PANK4: variants seen among roughly 807,000 people sequenced by gnomAD.
The protein encoded by PANK4 is 4'-phosphopantetheine phosphatase.
PANK4 carries 40 observed loss-of-function variants against 87.9 expected under a neutral mutation model. The observed-to-expected ratio is 0.46, with a 90% CI of 0.35 to 0.59. The LOEUF is 0.59. Ranked by LOEUF, PANK4 falls within the 20% of genes least tolerant of loss-of-function variation. PANK4 has a pLI of 0.00. For missense variants in PANK4, 926 were observed against 1,072.3 expected (o/e 0.86, Z 1.90); for synonymous variants, 524 against 467.4 (o/e 1.12, Z -1.56).
intron 8 of PANK4, 51 bp downstream of exon 8, chr1:2,518,465 G>T: frequency 6.8e-7 from 1 of 1,478,748 alleles, no homozygotes; most frequent in Non-Finnish European, 9.2e-7. Flanking sequence ...CACAGGCCCA[G>T]GCCACAGCTG....
At position 2,508,787 on chromosome 1, in the gene PANK4, T is replaced by C. The variant is rs1643610662; in HGVS notation, c.*60A>G. The C allele has an allele frequency of 9.9e-7, 1 of 1,011,896 alleles. No homozygotes were observed. Among genetic ancestry groups the C allele is most frequent in the Non-Finnish European group, 1.5e-6 (1 of 656,974 alleles). 62.7% of individuals were successfully genotyped at this position (1,011,896 alleles called of 1,614,324 possible). A position where few individuals can be genotyped will look rare whatever the true frequency, so the allele number is the denominator to read the frequency against. Reference sequence around the variant, plus strand: ...CGTTGATTTGAACGCAGTTTCCCTGTGGTGGTAAAAACACATTCCTGACAA... The same window carrying C: ...CGTTGATTTGAACGCAGTTTCCCTGCGGTGGTAAAAACACATTCCTGACAA... On this transcript the variant is annotated 3_prime_UTR_variant, in exon 19 of 19. Transcript: ENST00000378466. The surrounding 1 kb of genome is among the most constrained non-coding windows in gnomAD (Gnocchi z 5.1).
chr1:2,512,862 C>G (rs1225421547), intron 13 of PANK4, 26 bp downstream of exon 13: 1 of 1,611,186 alleles, frequency 6.2e-7, no homozygotes, highest in South Asian at 1.1e-5. Flanking sequence ...GGCTGCAGAG[C>G]CTGCTCCGAG....
Position 2,520,857 on chromosome 1 carries a change from C to G in PANK4, c.472G>C (p.Val158Leu). 1 of 1,580,346 alleles carries G rather than the reference C, an allele frequency of 6.3e-7. No homozygotes were observed. Among genetic ancestry groups the G allele is most frequent in the Non-Finnish European group, 8.6e-7 (1 of 1,164,136 alleles). ...GCCTCATGGGGGATGTTCTTGAGCA[C>G]GAAGTTGCACCCCTTAATCAGGCAC... ...MTCLIKGCNF[V>L]LKNIPHEAFV... is the part of the protein sequence containing the mutation. Residue 158 changes from valine to leucine, a missense_variant, in exon 4 of 19, where the codon GTG becomes CTG. Coordinates refer to ENST00000378466, the MANE Select transcript of PANK4 (RefSeq NM_018216.4). This position sits in a 1 kb window ranked among gnomAD's most constrained non-coding sequence, Gnocchi z 6.2.
At chr1:2,516,963 C>G (rs1643792102) in intron 9 of PANK4, among the ~76,000 whole-genome samples, 1 of 152,248 alleles carries the variant, frequency 6.6e-6, no homozygotes, top group Non-Finnish European at 1.5e-5. Flanking sequence ...CCTGGCAGGG[C>G]TGTGCCACTG....
Position 2,514,242 on chromosome 1 carries a change from A to C in PANK4, c.1487+112T>G, listed in dbSNP as rs1032952236. 2.1e-5 allele frequency: 24 copies of C among 1,118,840 alleles called. No homozygotes were observed. The African/African-American group carries it at 3.1e-4, about 14-fold the overall frequency. The allele number at this position is 1,118,840 out of a possible 1,614,324, so 69.3% of individuals were successfully genotyped here. On this transcript the variant is annotated intron_variant, in intron 11 of 18. Transcript: ENST00000378466. ...AGGGGGCTGTGCCGCCAGGGCCCAC[A>C]CCCACCCCCAGCGAGCTGGGGTCCG...
Position 2,518,704 on chromosome 1 carries a change from C to T in PANK4, c.1036-107G>A, listed in dbSNP as rs111338497. The T allele has an allele frequency of 4.0e-4, 361 of 909,270 alleles. 1 individual carries two copies. The African/African-American group carries it at 5.0e-3, about 13-fold the overall frequency. 56.3% of individuals were successfully genotyped at this position (909,270 alleles called of 1,614,324 possible). ...CCTCGCACCGCGCGGCCCAAACCCT[C>T]GAAGAGGCGCCATGGCACCCACGGC... On this transcript the variant is annotated intron_variant, in intron 7 of 18. Coordinates refer to ENST00000378466, the MANE Select transcript of PANK4 (RefSeq NM_018216.4).
At position 2,510,418 on chromosome 1, in the gene PANK4, C is replaced by G; in HGVS notation, c.1938+260G>C. The stretch of plus-strand genomic sequence containing the variant: ...GTCTGTGAAGTCACAGCCCCAAAGC[C>G]TCCTTGCTGTGAGCACCCTTCCAGG... On this transcript the variant is annotated intron_variant, in intron 16 of 18. Coordinates refer to ENST00000378466, the MANE Select transcript of PANK4 (RefSeq NM_018216.4). The surrounding 1 kb of genome is among the most constrained non-coding windows in gnomAD (Gnocchi z 4.9). 1 of 597,706 alleles carries G rather than the reference C, an allele frequency of 1.7e-6. No individual in the cohort carries two copies. Among genetic ancestry groups the G allele is most frequent in the Non-Finnish European group, 3.0e-6 (1 of 335,658 alleles). The allele number at this position is 597,706 out of a possible 1,614,324, so 37.0% of individuals were successfully genotyped here.
chr1:2,521,002 C>T (rs965490479), intron 3 of PANK4, 96 bp from the exon 4 acceptor site: 46 of 1,512,250 alleles, frequency 3.0e-5, no homozygotes, highest in African/African-American at 1.2e-4. Flanking sequence ...ATGCCCCATG[C>T]GCAATCTGAC....
chr1:2,509,926 C>A lies in PANK4; in HGVS notation c.2044G>T (p.Ala682Ser). ...IAGMDPVVHS[A>S]LQEERLLLVQ... ...AGCAGCAGCCTCTCTTCCTGGAGCG[C>A]AGAGCTGCCAGATACAAGGTGGTCA... is the stretch of plus-strand genomic sequence containing the variant. Residue 682 changes from alanine (A) to serine (S), a missense_variant, in exon 18 of 19, where the codon GCG becomes TCG. By Grantham distance (99) the Ala-to-Ser change is moderately conservative (BLOSUM62 1). Transcript: ENST00000378466. This position sits in a 1 kb window ranked among gnomAD's most constrained non-coding sequence, Gnocchi z 4.9. 6.2e-7 allele frequency: 1 copy of A among 1,611,576 alleles called. No individual in the cohort carries two copies.
intron 12 of PANK4, 69 bp downstream of exon 12, chr1:2,513,933 A>G (rs971246624): frequency 2.0e-5 from 24 of 1,179,010 alleles, no homozygotes; most frequent in Non-Finnish European, 2.7e-5. Flanking sequence ...AGCGGGACAG[A>G]GACAGGACAC....
chr1:2,510,095 G>A lies in PANK4; in HGVS notation c.2001C>T (p.Ile667=), dbSNP rs753653285. The A allele has an allele frequency of 1.4e-5, 22 of 1,611,204 alleles. No individual in the cohort carries two copies. Among genetic ancestry groups the A allele is most frequent in the South Asian group, 3.3e-5 (3 of 90,662 alleles). The change falls in exon 17 of 19, where the codon ATC becomes ATT. Residue 667 remains isoleucine, a synonymous_variant. Coordinates refer to ENST00000378466, the MANE Select transcript of PANK4 (RefSeq NM_018216.4). The surrounding 1 kb of genome is among the most constrained non-coding windows in gnomAD (Gnocchi z 4.9). ...CCATGCCCGCAATACGCTCTGCCACGATGAGGGACTCGCTGTGGGTCACGT... is the reference window on the plus strand; with the variant it reads ...CCATGCCCGCAATACGCTCTGCCACAATGAGGGACTCGCTGTGGGTCACGT... ...LNDVTHSESL[I]VAERIAGMDP... is the part of the protein sequence containing the mutation.
chr1:2,516,920 G>A (rs904796038), intron 9 of PANK4, among the ~76,000 whole-genome samples: 2 of 152,256 alleles, frequency 1.3e-5, no homozygotes, highest in Admixed American at 6.5e-5. Context: ...CTGCATGTCA[G>A]TTTGATCCTC....
chr1:2,515,591 G>A lies in PANK4; in HGVS notation c.1345C>T (p.Leu449Phe). 3.1e-6 allele frequency: 5 copies of A among 1,613,190 alleles called. No individual in the cohort carries two copies. The highest frequency in any genetic ancestry group is 4.2e-6 in the Non-Finnish European group (5 of 1,179,984). Residue 449 changes from leucine to phenylalanine, a missense_variant, in exon 10 of 19, where the codon CTC becomes TTC. Coordinates refer to ENST00000378466, the MANE Select transcript of PANK4 (RefSeq NM_018216.4). This position sits in a 1 kb window ranked among gnomAD's most constrained non-coding sequence, Gnocchi z 5.0. ...TCCAGGGCCTCCTCAAAGCAGGTGA[G>A]CCAGTATTTTCGGGCCAGAGCGTCA... is the stretch of plus-strand genomic sequence containing the variant. The part of the protein sequence containing the change: ...TDDALARKYW[L>F]TCFEEALDGV...
chr1:2,510,605 CCA>C lies in PANK4; in HGVS notation c.1938+71_1938+72del. ...AGGAGCCCCGACCACCGCCAGAGGC[CCA>C]CAGCGGCGCCAACCCCACCGAGAGC... On this transcript the variant is annotated intron_variant, in intron 16 of 18. Transcript: ENST00000378466. This position sits in a 1 kb window ranked among gnomAD's most constrained non-coding sequence, Gnocchi z 4.9. The C allele has an allele frequency of 1.1e-6, 1 of 895,194 alleles. No individual in the cohort carries two copies. The highest frequency in any genetic ancestry group is 1.8e-6 in the Non-Finnish European group (1 of 547,650). The allele number at this position is 895,194 out of a possible 1,614,324, so 55.5% of individuals were successfully genotyped here.
chr1:2,526,309 G>A (rs1247015946), intron 1 of PANK4, 155 bp downstream of exon 1: 2 of 242,492 alleles, frequency 8.2e-6, no homozygotes, highest in Non-Finnish European at 6.7e-6. Flanking sequence ...AGGCCCGTGA[G>A]GCTGTGCGCG....
At chr1:2,513,875 C>T (rs1021055896) in intron 12 of PANK4, 127 bp downstream of exon 12, 15 of 755,638 alleles carry the variant, frequency 2.0e-5, no homozygotes, top group Non-Finnish European at 3.2e-5. Flanking sequence ...GGAGTTGGGG[C>T]CGCTACCAAA....
At chr1:2,521,681 G>A (rs754391372) in intron 2 of PANK4, 37 bp downstream of exon 2, 8 of 1,517,406 alleles carry the variant, frequency 5.3e-6, no homozygotes, top group Middle Eastern at 1.7e-4. Context: ...ACAGAGAAGC[G>A]GCTGCCCTGC....
intron 15 of PANK4, 121 bp downstream of exon 15, chr1:2,511,217 G>C: frequency 1.4e-6 from 1 of 718,192 alleles, no homozygotes; most frequent in Admixed American, 2.1e-5. Context: ...TCGCAGGATG[G>C]TGAGACTCTA....
chr1:2,521,756 T>C lies in PANK4; in HGVS notation c.169A>G (p.Lys57Glu), dbSNP rs751262689. 1 of 1,614,032 alleles carries C rather than the reference T, an allele frequency of 6.2e-7. No individual in the cohort carries two copies. ...TCGAAAGACCGCACCTTGGCGACTTTGTGCTGTACCGTTGAATAGTAGGCC... is the reference window on the plus strand; with the variant it reads ...TCGAAAGACCGCACCTTGGCGACTTCGTGCTGTACCGTTGAATAGTAGGCC... ...KLAYYSTVQH[K>E]VAKVRSFDHS... Residue 57 changes from lysine (K) to glutamate (E), a missense_variant, in exon 2 of 19, where the codon AAA becomes GAA. Lys to Glu is a moderately conservative substitution (Grantham distance 56). Coordinates refer to ENST00000378466, the MANE Select transcript of PANK4 (RefSeq NM_018216.4).
Sources: allele counts gnomAD v4.1 joint callset (sites outside exome capture counted in the v4.1 genomes callset), GRCh38; gene constraint gnomAD v4.1.1; non-coding constraint Gnocchi (gnomAD v3.1); transcripts MANE v1.5; gene names NCBI Gene and HGNC (gene_info 2026-07-23, HGNC 2026-07-21).